Variants in SLC7A2 observed in about 807,000 individuals in gnomAD.
The protein encoded by SLC7A2 is solute carrier family 7 member 2, also known as cationic amino acid transporter 2.
SLC7A2 carries 48 observed loss-of-function variants against 58.9 expected under a neutral mutation model. That is an observed-to-expected ratio of 0.82 (90% CI 0.65 to 1.04). SLC7A2 has a LOEUF of 1.04. Ranked by LOEUF, SLC7A2 falls within the 50% of genes least tolerant of loss-of-function variation. The pLI is 0.00. For missense variants in SLC7A2, 1,029 were observed against 818.8 expected (o/e 1.26, Z -3.13); for synonymous variants, 363 against 314.5 (o/e 1.15, Z -1.63).
chr8:17,553,794 T>A (rs1802561800), intron 7 of SLC7A2, among the ~76,000 whole-genome samples: 1 of 152,134 alleles, frequency 6.6e-6, no homozygotes, highest in Non-Finnish European at 1.5e-5. Context: ...AATAAATCAA[T>A]AAGAAGGATT....
At chr8:17,544,310 A>G in intron 3 of SLC7A2, 141 bp from the exon 4 acceptor site, 3 of 595,182 alleles carry the variant, frequency 5.0e-6, no homozygotes, top group Non-Finnish European at 8.7e-6. Flanking sequence ...CTACTGTATG[A>G]TTATAAATAT....
At chr8:17,547,861 T>C (rs918378870) in intron 4 of SLC7A2, among the ~76,000 whole-genome samples, 6 of 151,562 alleles carry the variant, frequency 4.0e-5, no homozygotes, top group African/African-American at 7.3e-5. Context: ...GTTGATCTTT[T>C]TATATTTTTT....
In SLC7A2 at chr8:17,562,097, AAGT is replaced by A. The variant is rs1321228456; in HGVS notation, c.1661_1663del (p.Val554del). 1 of 1,613,256 alleles carries A rather than the reference AAGT, an allele frequency of 6.2e-7. No homozygotes were observed. The highest frequency in any genetic ancestry group is 1.1e-5 in the South Asian group (1 of 91,070). On this transcript the variant is annotated inframe_deletion, in exon 11 of 13. Transcript: ENST00000494857. ...TGGAGGCAGCCCCAGAATCAGCAAA[AAGT>A]AGCCTTCATGGTATGTGTAATGAGG...
At chr8:17,512,635 A>G (rs1028018064) in intron 2 of SLC7A2, among the ~76,000 whole-genome samples, 1 of 151,878 alleles carries the variant, frequency 6.6e-6, no homozygotes, top group Non-Finnish European at 1.5e-5. Context: ...TTTTCCCCCT[A>G]TATTTAAAAT....
rs1415621746 is a variant in SLC7A2 at position 17,519,592 on chromosome 8, C to G, written c.-23+17290C>G. 2.0e-5 allele frequency among the ~76,000 whole-genome samples: 3 copies of G among 152,180 alleles called. No homozygotes were observed. In the East Asian group the frequency reaches 5.8e-4, roughly 29 times the overall value. On this transcript the variant is annotated intron_variant, in intron 2 of 12. Coordinates refer to ENST00000494857, the MANE Select transcript of SLC7A2 (RefSeq NM_001370338.1). Reference sequence around the variant, plus strand: ...GCTGTGGAGTATTGGGTTCTTTTCACTATGACCTTGCCATATAGTTAGGTG... The same window carrying G: ...GCTGTGGAGTATTGGGTTCTTTTCAGTATGACCTTGCCATATAGTTAGGTG...
Position 17,543,685 on chromosome 8 carries a change from G to T in SLC7A2, c.346G>T (p.Gly116Cys). 6.6e-7 allele frequency: 1 copy of T among 1,519,750 alleles called. No homozygotes were observed. The allele number at this position is 1,519,750 out of a possible 1,614,324, so 94.1% of individuals were successfully genotyped here. A position where few individuals can be genotyped will look rare whatever the true frequency, so the allele number is the denominator to read the frequency against. Residue 116 changes from glycine to cysteine, a missense_variant, in exon 3 of 13, where the codon GGC becomes TGC. By Grantham distance (159) the Gly-to-Cys change is radical. Coordinates refer to ENST00000494857, the MANE Select transcript of SLC7A2 (RefSeq NM_001370338.1). ...TVGELWAFIT[G>C]WNLILSYVIG... ...CGGAGAGCTGTGGGCCTTCATCACT[G>T]GCTGGAATCTCATTTTATCGTATGT...
At chr8:17,526,985 G>A (rs779758802) in intron 2 of SLC7A2, among the ~76,000 whole-genome samples, 1 of 152,120 alleles carries the variant, frequency 6.6e-6, no homozygotes, top group Non-Finnish European at 1.5e-5. Flanking sequence ...GTTGATCAAT[G>A]GGTCAGTATC....
intron 2 of SLC7A2, among the ~76,000 whole-genome samples, chr8:17,532,814 T>A (rs1327399418): frequency 1.3e-5 from 2 of 152,150 alleles, no homozygotes; most frequent in African/African-American, 4.8e-5. Flanking sequence ...TAAGCAAAAA[T>A]TTTAAAAATA....
chr8:17,565,043 T>G lies in SLC7A2; in HGVS notation c.1874T>G (p.Val625Gly), dbSNP rs181290750. 5.0e-6 allele frequency: 8 copies of G among 1,613,918 alleles called. No homozygotes were observed. In the East Asian group the frequency reaches 1.8e-4, roughly 36 times the overall value. Reference protein sequence around the residue: ...NNEEDAYPDNVHAAAEEKSAI... With the variant: ...NNEEDAYPDNGHAAAEEKSAI... ...GAAGAAGATGCTTATCCAGACAACG[T>G]TCATGCAGCAGCAGAAGAAAAATCT... Residue 625 changes from valine to glycine, a missense_variant, in exon 13 of 13, where the codon GTT becomes GGT. By Grantham distance (109) the Val-to-Gly change is moderately radical (BLOSUM62 -3). Coordinates refer to ENST00000494857, the MANE Select transcript of SLC7A2 (RefSeq NM_001370338.1).
chr8:17,500,832 AC>A (rs2150637583), intron 1 of SLC7A2, among the ~76,000 whole-genome samples: 2 of 125,472 alleles, frequency 1.6e-5, no homozygotes, highest in South Asian at 5.3e-4. Flanking sequence ...ACACACACAC[AC>A]ACACACACAC....
intron 2 of SLC7A2, among the ~76,000 whole-genome samples, chr8:17,536,603 A>C (rs1045124052): frequency 1.3e-5 from 2 of 152,106 alleles, no homozygotes; most frequent in African/African-American, 4.8e-5. Flanking sequence ...TCAAGGAGAG[A>C]GTATATACGT....
In SLC7A2 at chr8:17,565,993, G is replaced by A. The variant is rs1009670316; in HGVS notation, c.*847G>A. 1.3e-5 allele frequency: 2 copies of A among 151,806 alleles called. No individual in the cohort carries two copies. The highest frequency in any genetic ancestry group is 1.3e-4 in the Admixed American group (2 of 15,240). The allele number at this position is 151,806 out of a possible 1,614,324, so 9.4% of individuals were successfully genotyped here. Reference sequence around the variant, plus strand: ...GGGACCCTTTAAATTAAAAAGTGAAGATAGTCACCAGGGCCAGAAAGCTCA... The same window carrying A: ...GGGACCCTTTAAATTAAAAAGTGAAAATAGTCACCAGGGCCAGAAAGCTCA... On this transcript the variant is annotated 3_prime_UTR_variant, in exon 13 of 13. Transcript: ENST00000494857.
At chr8:17,494,822 G>T (rs757840213), upstream of SLC7A2, among the ~76,000 whole-genome samples, 3 of 152,194 alleles carry the variant, frequency 2.0e-5, no homozygotes, top group Non-Finnish European at 4.4e-5. Flanking sequence ...AAGATATTCA[G>T]CAATCTTGTT....
intron 2 of SLC7A2, among the ~76,000 whole-genome samples, chr8:17,518,939 G>T (rs190919417): frequency 6.6e-6 from 1 of 152,074 alleles, no homozygotes; most frequent in Non-Finnish European, 1.5e-5. Context: ...GCCTGCAGAC[G>T]GCAGCCTTCT....
At chr8:17,498,678 A>G (rs1800041609) in intron 1 of SLC7A2, 1 of 152,122 alleles carries the variant, frequency 6.6e-6, no homozygotes, top group African/African-American at 2.4e-5. Context: ...ATGGTCATTT[A>G]CCTTAAGGCA....
intron 2 of SLC7A2, among the ~76,000 whole-genome samples, chr8:17,504,123 A>G (rs1362959087): frequency 6.6e-6 from 1 of 152,252 alleles, no homozygotes; most frequent in Non-Finnish European, 1.5e-5. Flanking sequence ...TTGTGAAGGC[A>G]TTGGTAGAAG....
chr8:17,545,876 A>C (rs1374439431), intron 4 of SLC7A2, among the ~76,000 whole-genome samples: 1 of 152,224 alleles, frequency 6.6e-6, no homozygotes, highest in South Asian at 2.1e-4. Flanking sequence ...AGAGTGAGAC[A>C]GAAATATCTT....
At chr8:17,555,142 T>A in intron 8 of SLC7A2, 1 of 1,536,222 alleles carries the variant, frequency 6.5e-7, no homozygotes, top group South Asian at 1.2e-5. Flanking sequence ...TTCGCATGCA[T>A]GGACTTATAA....
chr8:17,495,672 C>A (rs902405093), upstream of SLC7A2, among the ~76,000 whole-genome samples: 59 of 152,206 alleles, frequency 3.9e-4, no homozygotes, highest in African/African-American at 1.4e-3. Context: ...GCCTCAACCT[C>A]CCGAGTAGCT....
Sources: gnomAD v4.1 joint callset for allele counts (sites outside exome capture counted in the v4.1 genomes callset) on GRCh38, gnomAD v4.1.1 for gene constraint, MANE v1.5 for transcripts, NCBI Gene and HGNC (gene_info 2026-07-23, HGNC 2026-07-21) for gene names.